Variants in CLEC17A observed in about 807,000 individuals in gnomAD.
The protein encoded by CLEC17A is C-type lectin domain containing 17A, also known as C-type lectin domain family 17, member A.
A neutral mutation model predicts 61.3 loss-of-function variants in CLEC17A; 37 were observed. The observed-to-expected ratio is 0.60, with a 90% CI of 0.46 to 0.79. CLEC17A has a LOEUF of 0.79. Among genes scored for constraint, CLEC17A ranks in the 30% least tolerant of loss-of-function variants. The pLI is 0.00. For synonymous variants in CLEC17A, 168 were observed against 164.9 expected, an observed-to-expected ratio of 1.02 and a Z score of -0.14; for missense variants, 418 against 464.7, an observed-to-expected ratio of 0.90 and a Z score of 0.92.
In CLEC17A at chr19:14,586,176, A is replaced by G. The variant is rs368478407; in HGVS notation, c.122-1438A>G. Among the ~76,000 whole-genome samples, 74 of 143,984 alleles carry G rather than the reference A, an allele frequency of 5.1e-4. 2 individuals carry two copies. Among genetic ancestry groups the G allele is most frequent in the African/African-American group, 1.8e-3 (68 of 38,060 alleles). 94.5% of individuals were successfully genotyped at this position (143,984 alleles called of 152,430 possible). A position where few individuals can be genotyped will look rare whatever the true frequency, so the allele number is the denominator to read the frequency against. ...GTTTCACTCTTGCTGCCCAGGCCGG[A>G]GTGCAATGGTGCAATCTTGGCTGAC... On this transcript the variant is annotated intron_variant, in intron 2 of 13. Transcript: ENST00000417570.
chr19:14,599,592 C>T lies in CLEC17A; in HGVS notation c.647-125C>T, dbSNP rs2146717424. ...TGTGGTTTTTGAGCGCAAGCGTGAC[C>T]CACTGGAATGTGGACACAGTGGGGA... On this transcript the variant is annotated intron_variant, in intron 10 of 13. Coordinates refer to ENST00000417570, the MANE Select transcript of CLEC17A (RefSeq NM_001204118.2). 4 of 744,560 alleles carry T rather than the reference C, an allele frequency of 5.4e-6. No individual in the cohort carries two copies. In the South Asian group the frequency reaches 5.9e-5, roughly 11 times the overall value. 46.1% of individuals were successfully genotyped at this position (744,560 alleles called of 1,614,324 possible).
intron 7 of CLEC17A, 97 bp from the exon 8 acceptor site, chr19:14,595,177 C>T: frequency 7.0e-7 from 1 of 1,419,838 alleles, no homozygotes; most frequent in Non-Finnish European, 9.9e-7. Flanking sequence ...CAGCCAGCCC[C>T]CTAAATTCTG....
In CLEC17A at chr19:14,583,109, G is replaced by C. The variant is rs1003435452; in HGVS notation, c.-52G>C. 1 of 1,607,326 alleles carries C rather than the reference G, an allele frequency of 6.2e-7. No individual in the cohort carries two copies. Among genetic ancestry groups the C allele is most frequent in the Admixed American group, 1.7e-5 (1 of 59,962 alleles). ...AGACGCCTGAGTCGGAGAGACAGGG[G>C]GCAGAGGTTGCCAAGCCCTGGCTGC... is the stretch of plus-strand genomic sequence containing the variant. On this transcript the variant is annotated 5_prime_UTR_variant, in exon 1 of 14. Transcript: ENST00000417570.
intron 10 of CLEC17A, among the ~76,000 whole-genome samples, chr19:14,599,143 A>G (rs2074637521): frequency 7.9e-6 from 1 of 125,954 alleles, no homozygotes; most frequent in Non-Finnish European, 1.6e-5. Flanking sequence ...GCTGGAGCAC[A>G]GTGGTGTGAT....
At chr19:14,585,136 C>G (rs1320368424) in intron 2 of CLEC17A, among the ~76,000 whole-genome samples, 2 of 152,168 alleles carry the variant, frequency 1.3e-5, no homozygotes, top group African/African-American at 4.8e-5. Context: ...TGTGAATTGT[C>G]TGCTCATTAG....
chr19:14,596,024 G>A (rs111367355), intron 8 of CLEC17A, among the ~76,000 whole-genome samples: 1 of 992 alleles, frequency 1.0e-3, no homozygotes. Flanking sequence ...GATGGTGTTG[G>A]TGATGACCAT....
chr19:14,597,484 G>A (rs898816976), intron 10 of CLEC17A, among the ~76,000 whole-genome samples: 1 of 152,214 alleles, frequency 6.6e-6, no homozygotes, highest in Non-Finnish European at 1.5e-5. Context: ...GCACATGCCT[G>A]TAATCCCAGC....
At chr19:14,581,492 CT>C (rs531605776), upstream of CLEC17A, among the ~76,000 whole-genome samples, 49 of 145,056 alleles carry the variant, frequency 3.4e-4, no homozygotes, top group African/African-American at 3.2e-4. Context: ...TCCAGCTATT[CT>C]TTTTTTTTTT....
chr19:14,611,275 G>C lies in CLEC17A; in HGVS notation c.*1079G>C, dbSNP rs1386630289. Reference sequence around the variant, plus strand: ...CCCAGAAACCATCAAAATTATTTTTGACCAGCAACTTTCTCAATGTCTTGG... The same window carrying C: ...CCCAGAAACCATCAAAATTATTTTTCACCAGCAACTTTCTCAATGTCTTGG... On this transcript the variant is annotated 3_prime_UTR_variant, in exon 14 of 14. Coordinates refer to ENST00000417570, the MANE Select transcript of CLEC17A (RefSeq NM_001204118.2). The C allele has an allele frequency of 1.3e-5, 2 of 150,976 alleles. No homozygotes were observed. 9.4% of individuals were successfully genotyped at this position (150,976 alleles called of 1,614,324 possible).
intron 2 of CLEC17A, chr19:14,584,157 C>T (rs886937086): frequency 2.6e-5 from 4 of 151,778 alleles, no homozygotes; most frequent in African/African-American, 9.7e-5. Flanking sequence ...AGTAGGATCA[C>T]TTGAGCCCAG....
Position 14,599,748 on chromosome 19 carries a change from G to A in CLEC17A, c.678G>A (p.Lys226=). Residue 226 remains lysine, a synonymous_variant, in exon 11 of 14, where the codon AAG becomes AAA. Transcript: ENST00000417570. The stretch of plus-strand genomic sequence containing the variant: ...GCATGGCAGGGCTAGCTGGCCTGAA[G>A]CATGACATTGCCCGTGTAAGAGCTG... The part of the protein sequence containing the change: ...MTGMAGLAGL[K]HDIARVRADT... The A allele has an allele frequency of 6.2e-7, 1 of 1,613,966 alleles. No individual in the cohort carries two copies. Among genetic ancestry groups the A allele is most frequent in the Non-Finnish European group, 8.5e-7 (1 of 1,179,884 alleles).
chr19:14,581,533 T>G (rs991044971), upstream of CLEC17A, among the ~76,000 whole-genome samples: 16 of 152,060 alleles, frequency 1.1e-4, no homozygotes, highest in African/African-American at 3.9e-4. Flanking sequence ...GATTTCATCA[T>G]GTTGGCCAGG....
At chr19:14,589,244 A>G (rs1183658628) in intron 3 of CLEC17A, among the ~76,000 whole-genome samples, 2 of 129,810 alleles carry the variant, frequency 1.5e-5, no homozygotes, top group Non-Finnish European at 3.1e-5. Context: ...ACCCCATCCC[A>G]ACACCAATTC....
intron 4 of CLEC17A, among the ~76,000 whole-genome samples, chr19:14,594,130 A>G (rs936226463): frequency 6.6e-6 from 1 of 151,936 alleles, no homozygotes; most frequent in Non-Finnish European, 1.5e-5. Context: ...TAAAAATATA[A>G]AAGTTAGCTG....
At position 14,595,238 on chromosome 19, in the gene CLEC17A, A is replaced by G. The variant is rs766237495; in HGVS notation, c.404-36A>G. ...GATCTTGGAAGACAGAGTCTTTGGC[A>G]TCTTCTGAATAAACCTCTCTCCCCC... On this transcript the variant is annotated intron_variant, in intron 7 of 13. Coordinates refer to ENST00000417570, the MANE Select transcript of CLEC17A (RefSeq NM_001204118.2). The G allele has an allele frequency of 3.8e-5, 61 of 1,612,256 alleles. 1 individual carries two copies. In the East Asian group the frequency reaches 1.3e-3, roughly 35 times the overall value.
chr19:14,609,222 G>A (rs1300551826), intron 13 of CLEC17A, among the ~76,000 whole-genome samples: 1 of 152,182 alleles, frequency 6.6e-6, no homozygotes, highest in Non-Finnish European at 1.5e-5. Flanking sequence ...ACCGGTGACA[G>A]CCTAAGAGAA....
intron 8 of CLEC17A, among the ~76,000 whole-genome samples, chr19:14,595,827 T>TTGTTGGTGATGGTGG (rs2074530804): frequency 7.7e-6 from 1 of 130,204 alleles, no homozygotes; most frequent in African/African-American, 3.0e-5. Context: ...AGTGATGGTA[T>TTGTTGGTGATGGTGG]TGTTGGTGAT....
At chr19:14,607,453 T>C (rs1011805523) in intron 13 of CLEC17A, among the ~76,000 whole-genome samples, 2 of 151,918 alleles carry the variant, frequency 1.3e-5, no homozygotes, top group Non-Finnish European at 2.9e-5. Context: ...TCTGCCCGCC[T>C]TGGCCTCCCA....
rs537294501 is a variant in CLEC17A, at chr19:14,610,222, A to G, written c.*26A>G. 740 of 1,548,850 alleles carry G rather than the reference A, an allele frequency of 4.8e-4. 1 individual carries two copies. The highest frequency in any genetic ancestry group is 1.7e-3 in the Middle Eastern group (10 of 5,918). On this transcript the variant is annotated 3_prime_UTR_variant, in exon 14 of 14. Transcript: ENST00000417570. ...AGCCCAGGGCCGAGGCTGGGGGTCC[A>G]TATCTGAGTGTCTCTTTGAGATGAG...
Sources: gnomAD v4.1 joint callset for allele counts (sites outside exome capture counted in the v4.1 genomes callset) on GRCh38, gnomAD v4.1.1 for gene constraint, MANE v1.5 for transcripts, NCBI Gene and HGNC (gene_info 2026-07-23, HGNC 2026-07-21) for gene names.